Variants in PLEKHA7 observed in about 807,000 individuals in gnomAD.
PLEKHA7 encodes the protein pleckstrin homology domain containing A7, also known as pleckstrin homology domain-containing family A member 7.
PLEKHA7 carries 104 observed loss-of-function variants against 170.0 expected under a neutral mutation model. The ratio of observed to expected loss-of-function variants is 0.61; its 90% confidence interval spans 0.52 to 0.72. PLEKHA7 has a LOEUF of 0.72. PLEKHA7 is among the 30% of genes least tolerant of loss of function. PLEKHA7 has a pLI of 0.00. For missense variants in PLEKHA7, 1,615 were observed against 1,671.7 expected (o/e 0.97, Z 0.59); for synonymous variants, 648 against 660.8 (o/e 0.98, Z 0.30).
intron 3 of PLEKHA7, among the ~76,000 whole-genome samples, chr11:16,994,058 C>T (rs1403688842): frequency 1.3e-5 from 2 of 152,220 alleles, no homozygotes; most frequent in Non-Finnish European, 1.5e-5. Flanking sequence ...GGACGATACA[C>T]ACATCAGTTT....
chr11:16,915,313 G>A (rs1858559669), intron 3 of PLEKHA7, among the ~76,000 whole-genome samples: 1 of 152,172 alleles, frequency 6.6e-6, no homozygotes, highest in African/African-American at 2.4e-5. Flanking sequence ...GCAGACCTAG[G>A]ACTAGAACTC....
In PLEKHA7 at chr11:16,777,470, T is replaced by C. The variant is rs1590084702; in HGVS notation, c.*1528A>G. On this transcript the variant is annotated 3_prime_UTR_variant, in exon 27 of 27. Coordinates refer to ENST00000531066, the MANE Select transcript of PLEKHA7 (RefSeq NM_001329630.2). ...AAGTCGATACTGGCAGCATATGGAG[T>C]TAGTTAAAAATAGACAACAACTGCT... The C allele has an allele frequency of 6.6e-6, 1 of 152,194 alleles. No homozygotes were observed. The highest frequency in any genetic ancestry group is 6.5e-5 in the Admixed American group (1 of 15,270). 9.4% of individuals were successfully genotyped at this position (152,194 alleles called of 1,614,324 possible).
intron 17 of PLEKHA7, 88 bp from the exon 18 acceptor site, chr11:16,795,106 C>A: frequency 1.0e-6 from 1 of 955,242 alleles, no homozygotes. Context: ...ACAGAGCCCC[C>A]CGCCCTGAGG....
chr11:16,960,918 G>T (rs1177204291), intron 3 of PLEKHA7, among the ~76,000 whole-genome samples: 1 of 151,872 alleles, frequency 6.6e-6, no homozygotes, highest in Non-Finnish European at 1.5e-5. Context: ...ACAACTCCTT[G>T]AACCCAAGCT....
At chr11:16,947,915 C>CAAAAAAAAAAAAAAAA (rs756124686) in intron 3 of PLEKHA7, among the ~76,000 whole-genome samples, 1 of 67,002 alleles carries the variant, frequency 1.5e-5, no homozygotes, top group Non-Finnish European at 3.0e-5. Context: ...GACTCCGTCT[C>CAAAAAAAAAAAAAAAA]AAAAAAAAAA....
intron 3 of PLEKHA7, among the ~76,000 whole-genome samples, chr11:16,890,375 T>C (rs960408900): frequency 1.3e-5 from 2 of 151,944 alleles, no homozygotes; most frequent in African/African-American, 2.4e-5. Flanking sequence ...AAAAACAAGA[T>C]CCAACCACAT....
intron 3 of PLEKHA7, among the ~76,000 whole-genome samples, chr11:16,879,231 C>A (rs2135768863): frequency 6.6e-6 from 1 of 152,272 alleles, no homozygotes; most frequent in Non-Finnish European, 1.5e-5. Context: ...CTGTCCCCTC[C>A]CTTCAAGTAA....
Position 16,918,889 on chromosome 11 carries a change from C to T in PLEKHA7, c.222-47707G>A, listed in dbSNP as rs576553264. Among the ~76,000 whole-genome samples, 33 of 152,122 alleles carry T rather than the reference C, an allele frequency of 2.2e-4. No homozygotes were observed. In the South Asian group the frequency reaches 6.0e-3, roughly 28 times the overall value. The stretch of plus-strand genomic sequence containing the variant: ...AAACACACATGAAAAACATTACATA[C>T]TCACATAAAAAAAAAACTATTAAGA... On this transcript the variant is annotated intron_variant, in intron 3 of 26. Coordinates refer to ENST00000531066, the MANE Select transcript of PLEKHA7 (RefSeq NM_001329630.2).
At chr11:16,972,877 C>T (rs1862811442) in intron 3 of PLEKHA7, among the ~76,000 whole-genome samples, 1 of 152,202 alleles carries the variant, frequency 6.6e-6, no homozygotes, top group Non-Finnish European at 1.5e-5. Flanking sequence ...AGTAACCATA[C>T]ACCTTGACAT....
At chr11:16,846,612 G>C (rs368025062) in intron 8 of PLEKHA7, among the ~76,000 whole-genome samples, 16 of 152,294 alleles carry the variant, frequency 1.1e-4, no homozygotes, top group South Asian at 8.3e-4. Flanking sequence ...CATTTGTAAG[G>C]CTCAAAAGAT....
At chr11:17,005,592 C>T (rs1029986393) in intron 3 of PLEKHA7, among the ~76,000 whole-genome samples, 4 of 152,086 alleles carry the variant, frequency 2.6e-5, no homozygotes, top group African/African-American at 9.7e-5. Flanking sequence ...GCACAAGAAA[C>T]CTACACCCAC....
intron 9 of PLEKHA7, among the ~76,000 whole-genome samples, chr11:16,834,633 G>A (rs1388505166): frequency 6.6e-6 from 1 of 152,216 alleles, no homozygotes; most frequent in Non-Finnish European, 1.5e-5. Flanking sequence ...TCACTTCTCA[G>A]TTTTGTAAGC....
intron 4 of PLEKHA7, 61 bp downstream of exon 4, chr11:16,871,037 CA>C: frequency 7.3e-7 from 1 of 1,361,528 alleles, no homozygotes; most frequent in Non-Finnish European, 1.0e-6. Context: ...GTTTTGTTTT[CA>C]GCAAATGCCT....
chr11:16,846,567 G>GA (rs1852425936), intron 8 of PLEKHA7, among the ~76,000 whole-genome samples: 1 of 152,196 alleles, frequency 6.6e-6, no homozygotes, highest in Non-Finnish European at 1.5e-5. Flanking sequence ...ATGTGAGGAT[G>GA]AAATGAGACA....
intron 3 of PLEKHA7, among the ~76,000 whole-genome samples, chr11:16,984,043 C>A (rs112785696): frequency 1.4e-3 from 212 of 151,990 alleles, no homozygotes; most frequent in African/African-American, 4.9e-3. Context: ...AGAGTGAGAC[C>A]CTATCTCAAA....
At chr11:16,826,706 C>T (rs1005794463) in intron 9 of PLEKHA7, 116 bp from the exon 10 acceptor site, 15 of 919,380 alleles carry the variant, frequency 1.6e-5, no homozygotes, top group Non-Finnish European at 2.4e-5. Flanking sequence ...GCTCAGAACG[C>T]CTTTCATGCT....
intron 3 of PLEKHA7, among the ~76,000 whole-genome samples, chr11:16,995,540 T>C (rs927277224): frequency 2.6e-5 from 4 of 152,218 alleles, no homozygotes; most frequent in Non-Finnish European, 5.9e-5. Context: ...ATGTAGCACC[T>C]GCACTATTAT....
intron 3 of PLEKHA7, among the ~76,000 whole-genome samples, chr11:17,008,165 C>T (rs1011669215): frequency 2.6e-5 from 4 of 152,072 alleles, no homozygotes; most frequent in Non-Finnish European, 5.9e-5. Flanking sequence ...GAAGAAAGTA[C>T]CTACACAGGG....
intron 3 of PLEKHA7, among the ~76,000 whole-genome samples, chr11:16,930,241 A>G (rs1429832268): frequency 1.3e-5 from 2 of 152,066 alleles, no homozygotes; most frequent in African/African-American, 4.8e-5. Flanking sequence ...CAAGGACTGA[A>G]GGCAGATAGG....
Sources: gnomAD v4.1 joint callset for allele counts (sites outside exome capture counted in the v4.1 genomes callset) on GRCh38, gnomAD v4.1.1 for gene constraint, MANE v1.5 for transcripts, NCBI Gene and HGNC (gene_info 2026-07-23, HGNC 2026-07-21) for gene names.